DDX10: variants seen among roughly 807,000 people sequenced by gnomAD.
DDX10 encodes the protein probable ATP-dependent RNA helicase DDX10.
In DDX10, 74 loss-of-function variants were observed where a neutral mutation model predicts 104.3. The observed-to-expected ratio is 0.71, with a 90% CI of 0.59 to 0.86. The LOEUF (loss-of-function observed/expected upper bound fraction) is 0.86. Ranked by LOEUF, DDX10 falls within the 40% of genes least tolerant of loss-of-function variation. DDX10 has a pLI of 0.00. For synonymous variants in DDX10, 351 were observed against 353.4 expected, an observed-to-expected ratio of 0.99 and a Z score of 0.08; for missense variants, 952 against 1,040.0, an observed-to-expected ratio of 0.92 and a Z score of 1.16.
intron 16 of DDX10, among the ~76,000 whole-genome samples, chr11:108,900,613 A>G (rs920312823): frequency 1.3e-5 from 2 of 152,210 alleles, no homozygotes; most frequent in South Asian, 2.1e-4. Context: ...TCTCTGGTAC[A>G]GTGAGGTTGA....
chr11:108,836,277 T>G (rs2134591530), intron 13 of DDX10, among the ~76,000 whole-genome samples: 1 of 152,362 alleles, frequency 6.6e-6, no homozygotes, highest in Middle Eastern at 3.4e-3. Context: ...GCTTTCATGT[T>G]GAATCGGAAA....
chr11:108,855,610 C>T (rs1862856811), intron 16 of DDX10, among the ~76,000 whole-genome samples: 3 of 152,142 alleles, frequency 2.0e-5, no homozygotes, highest in South Asian at 4.1e-4. Flanking sequence ...CACGCATGTG[C>T]CACCACGCCC....
intron 17 of DDX10, among the ~76,000 whole-genome samples, chr11:108,937,149 C>T (rs1864046488): frequency 1.3e-5 from 2 of 152,168 alleles, no homozygotes; most frequent in Non-Finnish European, 2.9e-5. Context: ...GCCACATTTA[C>T]AGCAAACACC....
At chr11:108,794,221 A>G (rs1384915023) in intron 13 of DDX10, among the ~76,000 whole-genome samples, 3 of 151,756 alleles carry the variant, frequency 2.0e-5, no homozygotes, top group African/African-American at 7.3e-5. Context: ...GCTGGATCAT[A>G]TGGCAGTTCT....
intron 17 of DDX10, chr11:108,920,203 T>G (rs1482577427): frequency 2.0e-5 from 3 of 152,172 alleles, no homozygotes; most frequent in African/African-American, 7.2e-5. Flanking sequence ...TCATACAGTG[T>G]AATGGTGATG....
intron 11 of DDX10, among the ~76,000 whole-genome samples, chr11:108,716,483 T>C (rs1005994094): frequency 1.3e-5 from 2 of 152,214 alleles, no homozygotes; most frequent in Non-Finnish European, 2.9e-5. Flanking sequence ...CAAAGACATA[T>C]GGAAAATCCT....
Position 108,783,067 on chromosome 11 carries a change from C to T in DDX10, c.1966-55379C>T, listed in dbSNP as rs988454957. 4.6e-5 allele frequency among the ~76,000 whole-genome samples: 7 copies of T among 152,244 alleles called. No homozygotes were observed. In the South Asian group the frequency reaches 8.3e-4, roughly 18 times the overall value. ...AGATTATTCATCGCCTCTTTGAATC[C>T]GTTTCCTAGTGCCCACTCACTATGA... On this transcript the variant is annotated intron_variant, in intron 13 of 17. Transcript: ENST00000322536.
At chr11:108,779,471 G>A (rs141207347) in intron 13 of DDX10, among the ~76,000 whole-genome samples, 2,349 of 151,954 alleles carry the variant, frequency 0.015, 58 homozygotes, top group African/African-American at 0.053. Flanking sequence ...TCACTCATAG[G>A]TGGGAATTGA....
intron 10 of DDX10, among the ~76,000 whole-genome samples, chr11:108,708,263 AT>A (rs1239682393): frequency 7.6e-5 from 11 of 144,644 alleles, no homozygotes; most frequent in South Asian, 2.2e-4. Context: ...GTTAAAAAAA[AT>A]TTTTTTTTTA....
Position 108,810,902 on chromosome 11 carries a change from C to T in DDX10, c.1966-27544C>T, listed in dbSNP as rs76287228. The stretch of plus-strand genomic sequence containing the variant: ...AAACTCACCACCAACCCGTTTCGCA[C>T]CTCCCCTAGATACACACCACACAAT... On this transcript the variant is annotated intron_variant, in intron 13 of 17. Coordinates refer to ENST00000322536, the MANE Select transcript of DDX10 (RefSeq NM_004398.4). 8.7e-3 allele frequency among the ~76,000 whole-genome samples: 1,318 copies of T among 152,226 alleles called. 19 individuals are homozygous for T. Among genetic ancestry groups the T allele is most frequent in the African/African-American group, 0.029 (1,206 of 41,536 alleles).
intron 15 of DDX10, among the ~76,000 whole-genome samples, chr11:108,845,307 A>G (rs2134599622): frequency 6.6e-6 from 1 of 152,342 alleles, no homozygotes; most frequent in East Asian, 1.9e-4. Context: ...TATATTATTA[A>G]TCCTGCACAA....
At position 108,938,671 on chromosome 11, in the gene DDX10, C is replaced by T. The variant is rs192036477; in HGVS notation, c.2451-1575C>T. On this transcript the variant is annotated intron_variant, in intron 17 of 17. Transcript: ENST00000322536. ...ACTCTTTCATGTTCATCTCTCCAGG[C>T]ACTCTTTTAAAATGCAGTGATTTGT... Among the ~76,000 whole-genome samples, 43 of 152,260 alleles carry T rather than the reference C, an allele frequency of 2.8e-4. No homozygotes were observed. In the East Asian group the frequency reaches 6.2e-3, roughly 22 times the overall value.
chr11:108,895,741 C>G (rs529364372), intron 16 of DDX10, among the ~76,000 whole-genome samples: 1 of 152,120 alleles, frequency 6.6e-6, no homozygotes, highest in African/African-American at 2.4e-5. Context: ...GAGGAAAGAT[C>G]ACAAGTCCTA....
intron 13 of DDX10, among the ~76,000 whole-genome samples, chr11:108,739,709 A>G (rs1011612685): frequency 8.5e-5 from 13 of 152,132 alleles, no homozygotes; most frequent in Admixed American, 7.2e-4. Context: ...AATATAAAGG[A>G]TTAGTAAATA....
chr11:108,718,855 G>A (rs2094294868), intron 11 of DDX10, among the ~76,000 whole-genome samples: 1 of 152,176 alleles, frequency 6.6e-6, no homozygotes, highest in African/African-American at 2.4e-5. Flanking sequence ...TTTTAAACTG[G>A]TGCCATTCAT....
intron 16 of DDX10, among the ~76,000 whole-genome samples, chr11:108,853,331 A>G (rs1381123910): frequency 1.3e-5 from 2 of 152,226 alleles, no homozygotes; most frequent in East Asian, 3.8e-4. Context: ...TTTGATATTT[A>G]TGAATATTGC....
At chr11:108,878,418 T>TC (rs1487585460) in intron 16 of DDX10, among the ~76,000 whole-genome samples, 84 of 152,362 alleles carry the variant, frequency 5.5e-4, no homozygotes, top group African/African-American at 1.9e-3. Flanking sequence ...GTGTCTTTTT[T>TC]CACCTATTTT....
intron 11 of DDX10, among the ~76,000 whole-genome samples, chr11:108,718,105 T>C (rs1474739844): frequency 6.6e-6 from 1 of 151,832 alleles, no homozygotes; most frequent in Non-Finnish European, 1.5e-5. Flanking sequence ...GCAGAGGTTA[T>C]AGTGAGCCAA....
rs1267456527 is a variant in DDX10, at chr11:108,814,978, A to G, written c.1966-23468A>G. On this transcript the variant is annotated intron_variant, in intron 13 of 17. Coordinates refer to ENST00000322536, the MANE Select transcript of DDX10 (RefSeq NM_004398.4). ...AGAAAAGCGGAATCAGGAAAGACTT[A>G]TGTTATCGACATCAGAGCTAATCTG... Among the ~76,000 whole-genome samples the G allele has an allele frequency of 6.6e-5, 10 of 152,216 alleles. No homozygotes were observed. In the East Asian group the frequency reaches 1.9e-3, roughly 29 times the overall value.
Sources: allele counts gnomAD v4.1 joint callset (sites outside exome capture counted in the v4.1 genomes callset), GRCh38; gene constraint gnomAD v4.1.1; transcripts MANE v1.5; gene names NCBI Gene and HGNC (gene_info 2026-07-23, HGNC 2026-07-21).